PHF21A: variants seen among roughly 807,000 people sequenced by gnomAD.
The protein encoded by PHF21A is BHC80a.
PHF21A carries 11 observed loss-of-function variants against 82.5 expected under a neutral mutation model. The observed-to-expected ratio is 0.13, with a 90% CI of 0.08 to 0.22. PHF21A has a LOEUF of 0.22. PHF21A is among the 10% of genes least tolerant of loss of function. The pLI, the probability that PHF21A is intolerant of heterozygous loss-of-function variation, is 1.00. For missense variants in PHF21A, 579 were observed against 837.8 expected (o/e 0.69, Z 3.81); for synonymous variants, 297 against 302.8 (o/e 0.98, Z 0.20).
At chr11:46,105,627 C>T (rs901503647) in intron 1 of PHF21A, among the ~76,000 whole-genome samples, 2 of 151,926 alleles carry the variant, frequency 1.3e-5, no homozygotes, top group African/African-American at 4.8e-5. Flanking sequence ...AAAAAAAACA[C>T]AAAAGGAATG....
chr11:45,950,141 C>A, intron 12 of PHF21A, 65 bp downstream of exon 12: 1 of 1,243,490 alleles, frequency 8.0e-7, no homozygotes, highest in Non-Finnish European at 1.2e-6. Flanking sequence ...TTCAATCAAA[C>A]ATCATTTTCA....
At chr11:46,060,156 T>C (rs2096516203) in intron 6 of PHF21A, among the ~76,000 whole-genome samples, 1 of 152,118 alleles carries the variant, frequency 6.6e-6, no homozygotes, top group Non-Finnish European at 1.5e-5. Flanking sequence ...ATTTGCCAAA[T>C]AAACATGCAT....
intron 7 of PHF21A, among the ~76,000 whole-genome samples, chr11:45,974,911 G>C (rs1453421932): frequency 6.6e-6 from 1 of 152,130 alleles, no homozygotes; most frequent in Non-Finnish European, 1.5e-5. Flanking sequence ...AGTTAATGCA[G>C]AAATACATGG....
At chr11:46,063,671 A>G (rs1479409312) in intron 6 of PHF21A, among the ~76,000 whole-genome samples, 13 of 152,188 alleles carry the variant, frequency 8.5e-5, no homozygotes, top group Non-Finnish European at 2.9e-5. Context: ...CACTTTACCC[A>G]TAAAGTATAT....
chr11:45,964,200 AAATAATAAT>A (rs58644528), intron 10 of PHF21A, among the ~76,000 whole-genome samples: 4 of 134,622 alleles, frequency 3.0e-5, no homozygotes, highest in South Asian at 2.5e-4. Context: ...CTCCATCTCA[AAATAATAAT>A]AATAATAATA....
rs1566074526 is a variant in PHF21A, at chr11:46,115,074, T to C, written c.-237+5861A>G. On this transcript the variant is annotated intron_variant, in intron 1 of 18. Coordinates refer to ENST00000676320, the MANE Select transcript of PHF21A (RefSeq NM_001352027.3). ...ACTGATTCCAAAGTATAGAAAAGAA[T>C]AGTTGCCTTCAACTGAGATATTTTC... 2.6e-5 allele frequency among the ~76,000 whole-genome samples: 4 copies of C among 152,226 alleles called. No homozygotes were observed. The South Asian group carries it at 6.2e-4, about 24-fold the overall frequency.
intron 6 of PHF21A, among the ~76,000 whole-genome samples, chr11:46,051,976 C>G (rs2139184179): frequency 6.6e-6 from 1 of 152,244 alleles, no homozygotes; most frequent in East Asian, 1.9e-4. Flanking sequence ...TAGTAGAATT[C>G]CAAATATAAG....
At chr11:45,954,146 G>A (rs1038875503) in intron 10 of PHF21A, among the ~76,000 whole-genome samples, 3 of 152,020 alleles carry the variant, frequency 2.0e-5, no homozygotes, top group Non-Finnish European at 4.4e-5. Context: ...ACAGGCACCC[G>A]CTACCACACC....
intron 6 of PHF21A, among the ~76,000 whole-genome samples, chr11:46,059,635 G>C (rs1407801218): frequency 1.3e-5 from 2 of 151,800 alleles, no homozygotes; most frequent in Non-Finnish European, 2.9e-5. Context: ...ATGGTGCCTA[G>C]GTTGGTCTCA....
chr11:45,986,456 G>A (rs373013037), intron 6 of PHF21A, among the ~76,000 whole-genome samples: 1 of 151,874 alleles, frequency 6.6e-6, no homozygotes, highest in East Asian at 1.9e-4. Context: ...GTGACCCCTA[G>A]AGAATTACAG....
chr11:46,108,535 ATAAT>A (rs1211709459), intron 1 of PHF21A, among the ~76,000 whole-genome samples: 2 of 147,512 alleles, frequency 1.4e-5, no homozygotes, highest in African/African-American at 5.0e-5. Context: ...GTATTATGGT[ATAAT>A]TAAACTTCTT....
At chr11:46,099,646 T>C (rs926400883) in intron 1 of PHF21A, among the ~76,000 whole-genome samples, 2 of 152,006 alleles carry the variant, frequency 1.3e-5, no homozygotes, top group Non-Finnish European at 1.5e-5. Flanking sequence ...GCTGCAGGCC[T>C]AGAAAACTCA....
chr11:45,983,204 C>G (rs556772737), intron 6 of PHF21A, among the ~76,000 whole-genome samples: 1 of 152,160 alleles, frequency 6.6e-6, no homozygotes, highest in South Asian at 2.1e-4. Context: ...AACTGCTCCT[C>G]CCCCAGGGCC....
chr11:46,048,847 T>A (rs1431342270), intron 6 of PHF21A, among the ~76,000 whole-genome samples: 2 of 152,166 alleles, frequency 1.3e-5, no homozygotes, highest in African/African-American at 4.8e-5. Context: ...TACATATACC[T>A]AGGAATAACT....
chr11:45,953,428 G>A (rs1473875505), intron 11 of PHF21A, 99 bp downstream of exon 11: 6 of 733,912 alleles, frequency 8.2e-6, no homozygotes, highest in East Asian at 5.2e-5. Flanking sequence ...AATGAACATC[G>A]AGTTCATTTC....
At chr11:46,050,468 T>C (rs2096341016) in intron 6 of PHF21A, among the ~76,000 whole-genome samples, 1 of 152,150 alleles carries the variant, frequency 6.6e-6, no homozygotes, top group Admixed American at 6.5e-5. Flanking sequence ...ATTCCATAGC[T>C]GCCGAATCAC....
At position 46,115,256 on chromosome 11, in the gene PHF21A, A is replaced by C. The variant is rs377350218; in HGVS notation, c.-237+5679T>G. Among the ~76,000 whole-genome samples the C allele has an allele frequency of 2.9e-4, 44 of 152,360 alleles. No homozygotes were observed. In the South Asian group the frequency reaches 8.9e-3, roughly 31 times the overall value. ...AGTCCAAAGGATGGCTGAACCTCAC[A>C]TATAATTTCTAAAAGCTTTGGAAGA... On this transcript the variant is annotated intron_variant, in intron 1 of 18. Transcript: ENST00000676320.
At position 46,121,237 on chromosome 11, in the gene PHF21A, G is replaced by C. The variant is rs1347717706; in HGVS notation, c.-539C>G. The stretch of plus-strand genomic sequence containing the variant: ...TCTTTCCTCCTCTTCCCCAGGCAAG[G>C]GGGGGTGGGGAGGAGGGGGTTGGGG... On this transcript the variant is annotated 5_prime_UTR_variant, in exon 1 of 19. Transcript: ENST00000676320. 1.3e-5 allele frequency: 2 copies of C among 150,894 alleles called. No individual in the cohort carries two copies. Among genetic ancestry groups the C allele is most frequent in the Non-Finnish European group, 2.9e-5 (2 of 68,602 alleles). The allele number at this position is 150,894 out of a possible 1,614,324, so 9.3% of individuals were successfully genotyped here. A position where few individuals can be genotyped will look rare whatever the true frequency, so the allele number is the denominator to read the frequency against.
At position 45,974,689 on chromosome 11, in the gene PHF21A, G is replaced by A. The variant is rs372191623; in HGVS notation, c.361-3322C>T. 2.4e-4 allele frequency among the ~76,000 whole-genome samples: 37 copies of A among 152,016 alleles called. 1 individual carries two copies. The East Asian group carries it at 2.9e-3, about 12-fold the overall frequency. On this transcript the variant is annotated intron_variant, in intron 7 of 18. Coordinates refer to ENST00000676320, the MANE Select transcript of PHF21A (RefSeq NM_001352027.3). ...AGGCTGGTCTAGAACTCGCTCTCAC[G>A]TAATCCTCCCACATCGGCCTCCCAA...
Sources: gnomAD v4.1 joint callset for allele counts (sites outside exome capture counted in the v4.1 genomes callset) on GRCh38, gnomAD v4.1.1 for gene constraint, MANE v1.5 for transcripts, NCBI Gene and HGNC (gene_info 2026-07-23, HGNC 2026-07-21) for gene names.